The following ST6GALNAC5 variants were observed in gnomAD, a reference collection of about 807,000 sequenced individuals.
ST6GALNAC5 encodes the protein alpha-N-acetylgalactosaminide alpha-2,6-sialyltransferase 5.
In ST6GALNAC5, 27 loss-of-function variants were observed where a neutral mutation model predicts 33.6. The observed-to-expected ratio is 0.80, with a 90% CI of 0.59 to 1.11. ST6GALNAC5 has a LOEUF of 1.11. Among genes scored for constraint, ST6GALNAC5 ranks in the 50% least tolerant of loss-of-function variants. The probability of loss-of-function intolerance (pLI) is 0.00; values close to 1 mark genes in which losing one functional copy is unlikely to be tolerated. For synonymous variants in ST6GALNAC5, 194 were observed against 171.2 expected, an observed-to-expected ratio of 1.13 and a Z score of -1.04; for missense variants, 428 against 454.0, an observed-to-expected ratio of 0.94 and a Z score of 0.52.
At position 76,928,687 on chromosome 1, in the gene ST6GALNAC5, C is replaced by T. The variant is rs182911976; in HGVS notation, c.261+59945C>T. ...AATGGGCATGTCTACTCCTGCCTAG[C>T]CTCATCATCTGTCACCTTTGCTCTT... On this transcript the variant is annotated intron_variant, in intron 2 of 4. Transcript: ENST00000477717. Among the ~76,000 whole-genome samples, 156 of 152,236 alleles carry T rather than the reference C, an allele frequency of 1.0e-3. 4 individuals carry two copies. Among genetic ancestry groups the T allele is most frequent in the Admixed American group, 0.01 (154 of 15,286 alleles).
chr1:77,006,631 A>G (rs1364946405), intron 2 of ST6GALNAC5, among the ~76,000 whole-genome samples: 1 of 152,156 alleles, frequency 6.6e-6, no homozygotes, highest in African/African-American at 2.4e-5. Flanking sequence ...CAGAATGTAT[A>G]GTTCTTAATC....
At chr1:76,955,964 C>T (rs1337256512) in intron 2 of ST6GALNAC5, among the ~76,000 whole-genome samples, 1 of 152,138 alleles carries the variant, frequency 6.6e-6, no homozygotes, top group South Asian at 2.1e-4. Context: ...TCTCCACCAC[C>T]TCCAGTTTTC....
intron 2 of ST6GALNAC5, among the ~76,000 whole-genome samples, chr1:77,014,467 C>G (rs146421510): frequency 2.6e-5 from 4 of 152,200 alleles, no homozygotes; most frequent in South Asian, 4.1e-4. Context: ...AAGGTCCCCC[C>G]ACCCAGGCCC....
chr1:76,993,973 G>A (rs1649832554), intron 2 of ST6GALNAC5, among the ~76,000 whole-genome samples: 1 of 152,136 alleles, frequency 6.6e-6, no homozygotes, highest in Non-Finnish European at 1.5e-5. Context: ...TAATATTAGA[G>A]GGGATTTCTT....
At chr1:76,968,099 T>G (rs1262677290) in intron 2 of ST6GALNAC5, among the ~76,000 whole-genome samples, 2 of 152,188 alleles carry the variant, frequency 1.3e-5, no homozygotes, top group East Asian at 3.9e-4. Context: ...CTATTAGGTC[T>G]GCTTGGTGCA....
At chr1:77,004,219 C>G (rs983183016) in intron 2 of ST6GALNAC5, among the ~76,000 whole-genome samples, 42 of 151,152 alleles carry the variant, frequency 2.8e-4, no homozygotes, top group Non-Finnish European at 5.3e-4. Flanking sequence ...CTAAACTTCC[C>G]TTCTCACTTC....
chr1:77,027,002 C>T (rs984729896), intron 2 of ST6GALNAC5, among the ~76,000 whole-genome samples: 1 of 152,198 alleles, frequency 6.6e-6, no homozygotes, highest in African/African-American at 2.4e-5. Flanking sequence ...GGTGCTCCCC[C>T]AGGTTGATGG....
intron 3 of ST6GALNAC5, among the ~76,000 whole-genome samples, chr1:77,050,009 G>T (rs1404117864): frequency 6.6e-6 from 1 of 152,194 alleles, no homozygotes; most frequent in Non-Finnish European, 1.5e-5. Flanking sequence ...TGATGATGCA[G>T]AAGTCCCTTG....
intron 2 of ST6GALNAC5, among the ~76,000 whole-genome samples, chr1:76,983,210 G>C (rs1649330539): frequency 6.6e-6 from 1 of 152,110 alleles, no homozygotes; most frequent in Admixed American, 6.5e-5. Context: ...AAAAGACACA[G>C]ACTGGCAAAT....
chr1:76,972,406 T>C (rs757029915), intron 2 of ST6GALNAC5, among the ~76,000 whole-genome samples: 1 of 152,204 alleles, frequency 6.6e-6, no homozygotes, highest in Non-Finnish European at 1.5e-5. Context: ...ATTTCAAATA[T>C]GTTACTACTC....
At chr1:76,999,627 C>T (rs1441077416) in intron 2 of ST6GALNAC5, among the ~76,000 whole-genome samples, 1 of 151,232 alleles carries the variant, frequency 6.6e-6, no homozygotes, top group Non-Finnish European at 1.5e-5. Flanking sequence ...TCTCCCAATG[C>T]TATCCCTCCC....
Position 77,066,043 on chromosome 1 carries a change from C to T in ST6GALNAC5, c.*2837C>T, listed in dbSNP as rs1652768010. Among the ~76,000 whole-genome samples, 1 of 152,122 alleles carries T rather than the reference C, an allele frequency of 6.6e-6. No homozygotes were observed. Among genetic ancestry groups the T allele is most frequent in the South Asian group, 2.1e-4 (1 of 4,824 alleles). ...TAATATTCTACGGTAAATATTCACC[C>T]AAGAAAGCATACATTAAAAGAACAT... On this transcript the variant is annotated 3_prime_UTR_variant, in exon 5 of 5. Transcript: ENST00000477717.
At chr1:77,038,003 G>C (rs748970424) in intron 2 of ST6GALNAC5, among the ~76,000 whole-genome samples, 4 of 152,252 alleles carry the variant, frequency 2.6e-5, no homozygotes, top group Admixed American at 2.6e-4. Flanking sequence ...TCGTGTCATA[G>C]ATGAAAAATG....
At chr1:77,018,432 C>G (rs12081463) in intron 2 of ST6GALNAC5, among the ~76,000 whole-genome samples, 4,981 of 152,260 alleles carry the variant, frequency 0.033, 194 homozygotes, top group African/African-American at 0.093. Context: ...TGATAGGTTT[C>G]TAGAGAACTG....
In ST6GALNAC5 at chr1:77,065,351, T is replaced by C. The variant is rs1652739363; in HGVS notation, c.*2145T>C. 6.6e-6 allele frequency: 1 copy of C among 152,164 alleles called. No individual in the cohort carries two copies. Among genetic ancestry groups the C allele is most frequent in the Admixed American group, 6.5e-5 (1 of 15,274 alleles). 9.4% of individuals were successfully genotyped at this position (152,164 alleles called of 1,614,324 possible). A position where few individuals can be genotyped will look rare whatever the true frequency, so the allele number is the denominator to read the frequency against. ...ATCTGTCTATCTTCAGATTTTAGATTTTCTTTATTAAAAAAACCATCATGG... is the reference window on the plus strand; with the variant it reads ...ATCTGTCTATCTTCAGATTTTAGATCTTCTTTATTAAAAAAACCATCATGG... On this transcript the variant is annotated 3_prime_UTR_variant, in exon 5 of 5. Transcript: ENST00000477717.
intron 2 of ST6GALNAC5, among the ~76,000 whole-genome samples, chr1:76,924,557 C>T (rs1647066329): frequency 6.6e-6 from 1 of 152,090 alleles, no homozygotes; most frequent in Admixed American, 6.6e-5. Flanking sequence ...TGCCTGTCAC[C>T]TTTTCTCTAC....
intron 2 of ST6GALNAC5, among the ~76,000 whole-genome samples, chr1:76,898,026 A>T (rs576245287): frequency 3.3e-5 from 5 of 152,350 alleles, no homozygotes; most frequent in Middle Eastern, 3.4e-3. Context: ...AATCGGACAG[A>T]GTCAGTCTTC....
intron 2 of ST6GALNAC5, among the ~76,000 whole-genome samples, chr1:76,961,607 A>G (rs549144202): frequency 2.8e-4 from 42 of 152,266 alleles, no homozygotes; most frequent in African/African-American, 9.9e-4. Flanking sequence ...CAGTTTCTCA[A>G]ACATTCTGAG....
At chr1:76,896,915 G>C (rs1050432244) in intron 2 of ST6GALNAC5, among the ~76,000 whole-genome samples, 2 of 152,146 alleles carry the variant, frequency 1.3e-5, no homozygotes, top group South Asian at 2.1e-4. Context: ...GGACAGAAAG[G>C]CTACAGGGTG....
Sources: allele counts gnomAD v4.1 joint callset (sites outside exome capture counted in the v4.1 genomes callset), GRCh38; gene constraint gnomAD v4.1.1; transcripts MANE v1.5; gene names NCBI Gene and HGNC (gene_info 2026-07-23, HGNC 2026-07-21).